The following HIPK4 variants were observed in gnomAD, a reference collection of about 807,000 sequenced individuals.
The protein encoded by HIPK4 is homeodomain interacting protein kinase 4.
HIPK4 carries 26 observed loss-of-function variants against 44.8 expected under a neutral mutation model. The observed-to-expected ratio is 0.58, with a 90% confidence interval of 0.43 to 0.80. The LOEUF (loss-of-function observed/expected upper bound fraction) is 0.80, where lower values mean the gene tolerates loss of function less well. Among genes scored for constraint, HIPK4 ranks in the 30% least tolerant of loss-of-function variants. HIPK4 has a pLI of 0.00. For missense variants in HIPK4, 729 were observed against 862.6 expected (o/e 0.85, Z 1.94); for synonymous variants, 340 against 355.5 (o/e 0.96, Z 0.49).
At chr19:40,381,210 A>G in intron 2 of HIPK4, 42 bp from the exon 3 acceptor site, 1 of 1,518,324 alleles carries the variant, frequency 6.6e-7, no homozygotes, top group Non-Finnish European at 8.9e-7. Context: ...ACCATTGTGC[A>G]GGGCTAGGGC....
At position 40,389,786 on chromosome 19, in the gene HIPK4, G is replaced by C. The variant is rs2079380054; in HGVS notation, c.117C>G (p.Ile39Met). The C allele has an allele frequency of 1.2e-6, 2 of 1,614,032 alleles. No individual in the cohort carries two copies. The highest frequency in any genetic ancestry group is 2.7e-5 in the African/African-American group (2 of 74,918). ...WRRSTGEMVA[I>M]KILKNDAYRN... ...GGTAGGCGTCATTCTTGAGGATCTT[G>C]ATGGCCACCATCTCGCCCGTGCTCC... The change falls in exon 1 of 4, where the codon ATC becomes ATG. Residue 39 changes from isoleucine (I) to methionine (M), a missense_variant. Coordinates refer to ENST00000291823, the MANE Select transcript of HIPK4 (RefSeq NM_144685.5). The surrounding 1 kb of genome is among the most constrained non-coding windows in gnomAD (Gnocchi z 4.6).
intron 2 of HIPK4, among the ~76,000 whole-genome samples, chr19:40,381,661 T>A (rs1004570376): frequency 6.6e-6 from 1 of 151,628 alleles, no homozygotes; most frequent in Non-Finnish European, 1.5e-5. Flanking sequence ...GACCTCAAAC[T>A]CCTAGTCCCC....
Position 40,383,783 on chromosome 19 carries a change from C to T in HIPK4, c.822G>A (p.Lys274=), listed in dbSNP as rs748264743. 3 of 1,599,616 alleles carry T rather than the reference C, an allele frequency of 1.9e-6. No individual in the cohort carries two copies. The highest frequency in any genetic ancestry group is 2.6e-6 in the Non-Finnish European group (3 of 1,170,034). Residue 274 remains lysine (K), a splice_region_variant and synonymous_variant, in exon 2 of 4, where the codon AAG becomes AAA. Coordinates refer to ENST00000291823, the MANE Select transcript of HIPK4 (RefSeq NM_144685.5). ...KSSADYLAET[K]VRPLERRKYM... ...TGCCCTCACCCAACTTTTCCCTTAC[C>T]TTCGTCTCGGCCAGGTAGTCAGCCG...
At chr19:40,381,738 G>A (rs1029163945) in intron 2 of HIPK4, among the ~76,000 whole-genome samples, 1 of 149,626 alleles carries the variant, frequency 6.7e-6, no homozygotes. Context: ...TAGCAGACTG[G>A]CTGCTGCCCC....
At chr19:40,388,545 C>T (rs143424712) in intron 1 of HIPK4, among the ~76,000 whole-genome samples, 2 of 152,252 alleles carry the variant, frequency 1.3e-5, no homozygotes, top group African/African-American at 4.8e-5. Flanking sequence ...GTGGAAGTCC[C>T]TGCTTCCCTG....
chr19:40,389,171 A>C lies in HIPK4; in HGVS notation c.465+267T>G, dbSNP rs2079376020. ...ACCCCGTCTCTGATAAGTACAAAAA[A>C]AAAATTAGCTGGGCGTGGTGGCGCA... is the stretch of plus-strand genomic sequence containing the variant. On this transcript the variant is annotated intron_variant, in intron 1 of 3. Coordinates refer to ENST00000291823, the MANE Select transcript of HIPK4 (RefSeq NM_144685.5). This position sits in a 1 kb window ranked among gnomAD's most constrained non-coding sequence, Gnocchi z 4.6. Among the ~76,000 whole-genome samples, 2 of 151,504 alleles carry C rather than the reference A, an allele frequency of 1.3e-5. No homozygotes were observed. Among genetic ancestry groups the C allele is most frequent in the African/African-American group, 4.9e-5 (2 of 41,192 alleles).
At chr19:40,384,189 A>G (rs758545115) in intron 1 of HIPK4, 50 bp from the exon 2 acceptor site, 48 of 1,465,052 alleles carry the variant, frequency 3.3e-5, no homozygotes, top group Non-Finnish European at 4.0e-5. Flanking sequence ...CAGCAGGGAC[A>G]GCCGAGCTGG....
intron 2 of HIPK4, among the ~76,000 whole-genome samples, chr19:40,381,913 C>T (rs757175797): frequency 6.1e-5 from 9 of 147,348 alleles, no homozygotes; most frequent in Non-Finnish European, 8.9e-5. Context: ...TCAAGCGATT[C>T]TCCTGCCTCA....
Position 40,379,698 on chromosome 19 carries a change from C to T in HIPK4, c.1740G>A (p.Leu580=). 1 of 1,605,122 alleles carries T rather than the reference C, an allele frequency of 6.2e-7. No homozygotes were observed. Residue 580 remains leucine (L), a synonymous_variant, in exon 4 of 4, where the codon CTG becomes CTA. Transcript: ENST00000291823. ...GAGCCCGTGGGCCCCTGACGCTCTC[C>T]AGGGTGCAGTCTGGCTCACTCAGCC... ...GEWLSEPDCT[L]ESVRGPRAQG...
chr19:40,383,138 A>G (rs1257924603), intron 2 of HIPK4, among the ~76,000 whole-genome samples: 10 of 118,624 alleles, frequency 8.4e-5, no homozygotes, highest in African/African-American at 2.6e-4. Flanking sequence ...GCTGGAGTGC[A>G]GTGGTGGGAT....
Position 40,379,599 on chromosome 19 carries a change from G to A in HIPK4, c.1839C>T (p.Thr613=), listed in dbSNP as rs200607293. The change falls in exon 4 of 4, where the codon ACC becomes ACT. Residue 613 remains threonine, a synonymous_variant. Coordinates refer to ENST00000291823, the MANE Select transcript of HIPK4 (RefSeq NM_144685.5). ...GGTGGAATCACCATCAGTGGTGCCC[G>A]GTGACATGCTGGAGGAAGCTGGTGG... ...RGATSFLQHV[T]GHH The A allele has an allele frequency of 1.1e-5, 17 of 1,535,426 alleles. No individual in the cohort carries two copies. Among genetic ancestry groups the A allele is most frequent in the Middle Eastern group, 2.3e-4 (1 of 4,346 alleles).
intron 1 of HIPK4, 100 bp from the exon 2 acceptor site, chr19:40,384,239 G>C: frequency 1.2e-6 from 1 of 847,178 alleles, no homozygotes. Flanking sequence ...TCCTGCATCT[G>C]CTATTTGACT....
Position 40,380,203 on chromosome 19 carries a change from A to G in HIPK4, c.1668+120T>C. On this transcript the variant is annotated intron_variant, in intron 3 of 3. Coordinates refer to ENST00000291823, the MANE Select transcript of HIPK4 (RefSeq NM_144685.5). The surrounding 1 kb of genome is among the most constrained non-coding windows in gnomAD (Gnocchi z 4.2). ...CTGAGCCTCCTAAGTCCCTAATTGTATCCTGAACATGGGTGAGTGTGTGTT... is the reference window on the plus strand; with the variant it reads ...CTGAGCCTCCTAAGTCCCTAATTGTGTCCTGAACATGGGTGAGTGTGTGTT... 1 of 1,346,304 alleles carries G rather than the reference A, an allele frequency of 7.4e-7. No individual in the cohort carries two copies. Among genetic ancestry groups the G allele is most frequent in the Non-Finnish European group, 1.0e-6 (1 of 979,654 alleles). 83.4% of individuals were successfully genotyped at this position (1,346,304 alleles called of 1,614,324 possible). A position where few individuals can be genotyped will look rare whatever the true frequency, so the allele number is the denominator to read the frequency against.
chr19:40,389,318 C>T lies in HIPK4; in HGVS notation c.465+120G>A, dbSNP rs566279689. On this transcript the variant is annotated intron_variant, in intron 1 of 3. Transcript: ENST00000291823. This position sits in a 1 kb window ranked among gnomAD's most constrained non-coding sequence, Gnocchi z 4.6. ...AAGCCTGGGTAACAGAATGAAACTC[C>T]GTCTCAAAAATAATAATAATAATAA... 12 of 440,374 alleles carry T rather than the reference C, an allele frequency of 2.7e-5. No homozygotes were observed. Among genetic ancestry groups the T allele is most frequent in the African/African-American group, 1.2e-4 (6 of 48,764 alleles). 27.3% of individuals were successfully genotyped at this position (440,374 alleles called of 1,614,324 possible).
Position 40,380,878 on chromosome 19 carries a change from G to A in HIPK4, c.1113C>T (p.Leu371=). Residue 371 remains leucine, a synonymous_variant, in exon 3 of 4, where the codon CTC becomes CTT. Transcript: ENST00000291823. The surrounding 1 kb of genome is among the most constrained non-coding windows in gnomAD (Gnocchi z 4.2). ...YYQLSLRSYR[L]SLQVEGKPPT... ...GGGGCTTCCCCTCCACTTGCAGCGAGAGGCGGTAGCTGCGCAGCGAGAGCT... is the reference window on the plus strand; with the variant it reads ...GGGGCTTCCCCTCCACTTGCAGCGAAAGGCGGTAGCTGCGCAGCGAGAGCT... 6.2e-7 allele frequency: 1 copy of A among 1,607,976 alleles called. No homozygotes were observed. Among genetic ancestry groups the A allele is most frequent in the Non-Finnish European group, 8.5e-7 (1 of 1,175,062 alleles).
intron 1 of HIPK4, among the ~76,000 whole-genome samples, chr19:40,384,728 C>T (rs1304568092): frequency 6.6e-6 from 1 of 151,424 alleles, no homozygotes; most frequent in Non-Finnish European, 1.5e-5. Flanking sequence ...TCTCCAGCCT[C>T]AGTCTCCTGA....
Position 40,384,020 on chromosome 19 carries a change from C to T in HIPK4, c.585G>A (p.Lys195=). ...CGCAGCCCAGGGACCACACGTCCAC[C>T]TTCTCGCAGAAGGGCAGCCCCAGCA... is the stretch of plus-strand genomic sequence containing the variant. ...EILLGLPFCE[K]VDVWSLGCVM... The change falls in exon 2 of 4, where the codon AAG becomes AAA. Residue 195 remains lysine, a synonymous_variant. Coordinates refer to ENST00000291823, the MANE Select transcript of HIPK4 (RefSeq NM_144685.5). 1 of 1,614,136 alleles carries T rather than the reference C, an allele frequency of 6.2e-7. No homozygotes were observed. Among genetic ancestry groups the T allele is most frequent in the Non-Finnish European group, 8.5e-7 (1 of 1,179,958 alleles).
Position 40,380,687 on chromosome 19 carries a change from T to G in HIPK4, c.1304A>C (p.Gln435Pro). Residue 435 changes from glutamine to proline, a missense_variant, in exon 3 of 4, where the codon CAG (glutamine) becomes CCG (proline). By Grantham distance (76) the Gln-to-Pro change is moderately conservative. Transcript: ENST00000291823. The surrounding 1 kb of genome is among the most constrained non-coding windows in gnomAD (Gnocchi z 4.2). ...ACCCCACAGCCCATGCCCAGCCTCC[T>G]GCAGACTCAGGTCATCCAGCTGGTC... ...AIDQLDDLSLQEAGHGLWGET... is the reference protein window; with the variant it reads ...AIDQLDDLSLPEAGHGLWGET... 1 of 1,614,136 alleles carries G rather than the reference T, an allele frequency of 6.2e-7. No homozygotes were observed. Among genetic ancestry groups the G allele is most frequent in the Non-Finnish European group, 8.5e-7 (1 of 1,179,960 alleles).
rs1361778849 is a variant in HIPK4, at chr19:40,380,291, C to T, written c.1668+32G>A. 6.2e-6 allele frequency: 10 copies of T among 1,601,834 alleles called. No homozygotes were observed. Among genetic ancestry groups the T allele is most frequent in the South Asian group, 5.5e-5 (5 of 90,092 alleles). On this transcript the variant is annotated intron_variant, in intron 3 of 3. Transcript: ENST00000291823. This position sits in a 1 kb window ranked among gnomAD's most constrained non-coding sequence, Gnocchi z 4.2. ...TGAGTGTGTGCTGAGCCTCCTCCCACCCTAATCGTATCCTGAACGCACCCG... is the reference window on the plus strand; with the variant it reads ...TGAGTGTGTGCTGAGCCTCCTCCCATCCTAATCGTATCCTGAACGCACCCG...
Sources: allele counts gnomAD v4.1 joint callset (sites outside exome capture counted in the v4.1 genomes callset), GRCh38; gene constraint gnomAD v4.1.1; non-coding constraint Gnocchi (gnomAD v3.1); transcripts MANE v1.5; gene names NCBI Gene and HGNC (gene_info 2026-07-23, HGNC 2026-07-21).